Variants in RNFT2 observed in about 807,000 individuals in gnomAD.
The protein encoded by RNFT2 is E3 ubiquitin-protein ligase RNFT2.
In RNFT2, 36 loss-of-function variants were observed where a neutral mutation model predicts 53.0. The ratio of observed to expected loss-of-function variants is 0.68; its 90% confidence interval spans 0.52 to 0.90. The LOEUF (loss-of-function observed/expected upper bound fraction) is 0.90, where lower values mean the gene tolerates loss of function less well. RNFT2 is among the 40% of genes least tolerant of loss of function. The pLI is 0.00. For synonymous variants in RNFT2, 260 were observed against 253.2 expected, an observed-to-expected ratio of 1.03 and a Z score of -0.26; for missense variants, 514 against 585.6, an observed-to-expected ratio of 0.88 and a Z score of 1.26.
chr12:116,751,442 T>C (rs546102542), intron 4 of RNFT2, among the ~76,000 whole-genome samples: 8 of 152,146 alleles, frequency 5.3e-5, no homozygotes, highest in Admixed American at 5.2e-4. Context: ...TTGCTCTTGT[T>C]GCCCAGGCTG....
intron 10 of RNFT2, among the ~76,000 whole-genome samples, chr12:116,842,284 A>T (rs994238261): frequency 2.6e-5 from 4 of 152,036 alleles, no homozygotes; most frequent in African/African-American, 9.7e-5. Context: ...CCTTGTTGGA[A>T]GCAGGTCACT....
chr12:116,789,179 A>T (rs907462127), intron 7 of RNFT2, among the ~76,000 whole-genome samples: 6 of 142,344 alleles, frequency 4.2e-5, no homozygotes, highest in African/African-American at 1.6e-4. Flanking sequence ...GTGGATGGGT[A>T]AATGGTAGGA....
chr12:116,792,774 CG>C (rs1566082921), intron 7 of RNFT2, among the ~76,000 whole-genome samples: 1 of 152,018 alleles, frequency 6.6e-6, no homozygotes, highest in Admixed American at 6.6e-5. Context: ...TCATCTGCAG[CG>C]GGGGGAAGAC....
intron 3 of RNFT2, among the ~76,000 whole-genome samples, chr12:116,748,362 C>A (rs528884476): frequency 6.6e-6 from 1 of 152,298 alleles, no homozygotes; most frequent in Non-Finnish European, 1.5e-5. Flanking sequence ...GAATCCTTTG[C>A]CTGATTCCAA....
chr12:116,750,170 C>T lies in RNFT2; in HGVS notation c.413C>T (p.Ser138Leu). ...QHVGGDHRGH[S>L]EEGGDEQPGT... ...GTGGGTGGGGACCACCGGGGGCACT[C>T]GGAGGAGGGAGGCGACGAGCAGCCT... The change falls in exon 4 of 11, where the codon TCG becomes TTG. Residue 138 changes from serine to leucine, a missense_variant. Transcript: ENST00000257575. The T allele has an allele frequency of 1.3e-6, 2 of 1,593,836 alleles. No homozygotes were observed. Among genetic ancestry groups the T allele is most frequent in the Non-Finnish European group, 1.7e-6 (2 of 1,175,164 alleles).
intron 7 of RNFT2, among the ~76,000 whole-genome samples, chr12:116,821,802 CTTTTTTTTTTTTTTTTTTT>C (rs149043452): frequency 1.4e-4 from 6 of 43,926 alleles, no homozygotes; most frequent in South Asian, 1.7e-3. Context: ...CTACTTGTTT[CTTTTTTTTTTTTTTTTTTT>C]TTTTTTTTTT....
chr12:116,793,007 G>A (rs934159486), intron 7 of RNFT2, among the ~76,000 whole-genome samples: 12 of 151,992 alleles, frequency 7.9e-5, no homozygotes, highest in East Asian at 1.9e-4. Context: ...TAATCATCCC[G>A]CTGCCAATGC....
At chr12:116,740,979 T>TC in intron 2 of RNFT2, 57 bp from the exon 3 acceptor site, 1 of 1,480,662 alleles carries the variant, frequency 6.8e-7, no homozygotes, top group South Asian at 1.2e-5. Flanking sequence ...ACCTTGGCAA[T>TC]CTGACAGGCA....
chr12:116,739,162 GACAC>G (rs1388205834), intron 1 of RNFT2, among the ~76,000 whole-genome samples: 1 of 152,144 alleles, frequency 6.6e-6, no homozygotes, highest in Non-Finnish European at 1.5e-5. Flanking sequence ...GACTGATATA[GACAC>G]CCTATATCCA....
chr12:116,762,064 C>CAAAA (rs796440574), intron 5 of RNFT2, among the ~76,000 whole-genome samples: 2 of 121,672 alleles, frequency 1.6e-5, no homozygotes, highest in African/African-American at 6.5e-5. Context: ...GAGACTGTCT[C>CAAAA]AAAAAAAAAA....
In RNFT2 at chr12:116,786,331, G is replaced by A. The variant is rs188370898; in HGVS notation, c.882+6983G>A. Among the ~76,000 whole-genome samples the A allele has an allele frequency of 5.4e-4, 82 of 152,040 alleles. 1 individual carries two copies. The highest frequency in any genetic ancestry group is 3.1e-3 in the Admixed American group (47 of 15,258). On this transcript the variant is annotated intron_variant, in intron 7 of 10. Coordinates refer to ENST00000257575, the MANE Select transcript of RNFT2 (RefSeq NM_001382266.1). ...TGACCATATTGGCCAGGCTGGTCTC[G>A]AACTCCTGACTTCAGGTGATCCACC...
chr12:116,778,201 C>G (rs1873521912), intron 6 of RNFT2, among the ~76,000 whole-genome samples: 1 of 152,028 alleles, frequency 6.6e-6, no homozygotes, highest in African/African-American at 2.4e-5. Flanking sequence ...CTAGAGGGGA[C>G]TGTTATGGTT....
chr12:116,799,273 C>T (rs1031273541), intron 7 of RNFT2, among the ~76,000 whole-genome samples: 1 of 152,196 alleles, frequency 6.6e-6, no homozygotes, highest in African/African-American at 2.4e-5. Context: ...TCTGACATTT[C>T]TCTGACTTCC....
intron 7 of RNFT2, among the ~76,000 whole-genome samples, chr12:116,830,547 C>T (rs1170778916): frequency 3.9e-5 from 6 of 152,152 alleles, no homozygotes; most frequent in Non-Finnish European, 8.8e-5. Context: ...CTTAGCCTCC[C>T]AAAGTGTTGG....
chr12:116,750,908 A>ATTT (rs386377851), intron 4 of RNFT2, among the ~76,000 whole-genome samples: 41 of 69,978 alleles, frequency 5.9e-4, no homozygotes, highest in Non-Finnish European at 8.5e-4. Flanking sequence ...ATATATATAT[A>ATTT]TTTTTTTTTG....
Position 116,851,583 on chromosome 12 carries a change from T to C in RNFT2, c.*2135T>C. On this transcript the variant is annotated 3_prime_UTR_variant, in exon 11 of 11. Coordinates refer to ENST00000257575, the MANE Select transcript of RNFT2 (RefSeq NM_001382266.1). The stretch of plus-strand genomic sequence containing the variant: ...GCAAAACCCCCTCTTTACTAAAAAA[T>C]ACAAAAATTAGCCGGGCGCGGTGGC... 1 of 591,054 alleles carries C rather than the reference T, an allele frequency of 1.7e-6. No individual in the cohort carries two copies. The highest frequency in any genetic ancestry group is 2.1e-5 in the South Asian group (1 of 48,552). 36.6% of individuals were successfully genotyped at this position (591,054 alleles called of 1,614,324 possible).
At chr12:116,768,534 A>C (rs1873022090) in intron 6 of RNFT2, among the ~76,000 whole-genome samples, 1 of 152,212 alleles carries the variant, frequency 6.6e-6, no homozygotes, top group South Asian at 2.1e-4. Flanking sequence ...TATTGCAGCC[A>C]TCATAACGCT....
intron 3 of RNFT2, among the ~76,000 whole-genome samples, chr12:116,744,225 CAAAA>C (rs5801197): frequency 4.0e-5 from 4 of 100,048 alleles, no homozygotes; most frequent in Admixed American, 1.1e-4. Flanking sequence ...GACTCCTCCT[CAAAA>C]AAAAAAAAAA....
Position 116,750,064 on chromosome 12 carries a change from G to T in RNFT2, c.307G>T (p.Glu103Ter). 5 of 1,546,622 alleles carry T rather than the reference G, an allele frequency of 3.2e-6. No individual in the cohort carries two copies. Among genetic ancestry groups the T allele is most frequent in the Non-Finnish European group, 3.5e-6 (4 of 1,148,774 alleles). The change falls in exon 4 of 11, where the codon GAG (glutamate) becomes TAG (stop). Residue 103 changes from glutamate to a stop codon, truncating the protein, a stop_gained. Transcript: ENST00000257575. LOFTEE classifies it high-confidence loss of function. ...CAGGGAGGAAGGAGGGGGCCGGGGCGAGGGGGGCGCCTACCACCACCGCCA... is the reference window on the plus strand; with the variant it reads ...CAGGGAGGAAGGAGGGGGCCGGGGCTAGGGGGGCGCCTACCACCACCGCCA... ...ASREEGGGRG[E>*]GGAYHHRQPH...
Sources: allele counts gnomAD v4.1 joint callset (sites outside exome capture counted in the v4.1 genomes callset), GRCh38; gene constraint gnomAD v4.1.1; transcripts MANE v1.5; gene names NCBI Gene and HGNC (gene_info 2026-07-23, HGNC 2026-07-21).